The following MCM10 variants were observed in gnomAD, a reference collection of about 807,000 sequenced individuals.
The protein encoded by MCM10 is protein MCM10 homolog.
Under a neutral mutation model 109.9 loss-of-function variants are expected in MCM10, and 91 were observed. The ratio of observed to expected loss-of-function variants is 0.83; its 90% CI spans 0.70 to 0.99. MCM10 has a LOEUF of 0.99. Among genes scored for constraint, MCM10 ranks in the 50% least tolerant of loss-of-function variants. The pLI, the probability that MCM10 is intolerant of heterozygous loss-of-function variation, is 0.00. For missense variants in MCM10, 1,077 were observed against 1,061.2 expected (o/e 1.01, Z -0.21); for synonymous variants, 380 against 387.2 (o/e 0.98, Z 0.22).
At position 13,204,330 on chromosome 10, in the gene MCM10, A is replaced by C. The variant is rs1258925030; in HGVS notation, c.2464A>C (p.Ile822Leu). The stretch of plus-strand genomic sequence containing the variant: ...CAAATGTCCCTGTGGAAACAGAAGC[A>C]TCTCCTTGGACAGACTCCCGAACAA... ...FFKCPCGNRS[I>L]SLDRLPNKHC... The change falls in exon 18 of 20, where the codon ATC becomes CTC. Residue 822 changes from isoleucine (I) to leucine (L), a missense_variant. Ile to Leu is a conservative substitution (Grantham distance 5). Coordinates refer to ENST00000378714, the MANE Select transcript of MCM10 (RefSeq NM_018518.5). The C allele has an allele frequency of 1.2e-6, 2 of 1,614,240 alleles. No homozygotes were observed. The highest frequency in any genetic ancestry group is 1.1e-5 in the South Asian group (1 of 91,088).
chr10:13,165,673 G>C (rs111349226), intron 2 of MCM10, among the ~76,000 whole-genome samples: 1 of 152,004 alleles, frequency 6.6e-6, no homozygotes, highest in African/African-American at 2.4e-5. Context: ...TCAGGAGTTC[G>C]AGGCCAGCCC....
intron 3 of MCM10, among the ~76,000 whole-genome samples, chr10:13,171,700 T>C (rs1435962946): frequency 6.6e-6 from 1 of 152,208 alleles, no homozygotes; most frequent in African/African-American, 2.4e-5. Context: ...TGGTTAGCTG[T>C]TTCTTCTAAT....
chr10:13,199,326 A>G (rs1344006180), intron 16 of MCM10, among the ~76,000 whole-genome samples: 1 of 152,228 alleles, frequency 6.6e-6, no homozygotes, highest in African/African-American at 2.4e-5. Context: ...GAAGAATATC[A>G]TTTGATTTAA....
intron 18 of MCM10, among the ~76,000 whole-genome samples, chr10:13,205,532 G>A (rs1834568730): frequency 6.6e-6 from 1 of 152,072 alleles, no homozygotes; most frequent in South Asian, 2.1e-4. Context: ...TGTTCTTTGG[G>A]TAGATACCCA....
chr10:13,176,636 C>T (rs1588468764), intron 6 of MCM10, among the ~76,000 whole-genome samples: 1 of 152,348 alleles, frequency 6.6e-6, no homozygotes, highest in East Asian at 1.9e-4. Context: ...GTAGCTCACA[C>T]CTGCTATCCC....
chr10:13,195,002 A>T (rs1206282001), intron 13 of MCM10, 39 bp from the exon 14 acceptor site: 1 of 1,577,724 alleles, frequency 6.3e-7, no homozygotes, highest in Admixed American at 1.8e-5. Context: ...TTATTTTCGT[A>T]AACCCTGTTT....
At chr10:13,206,589 T>G (rs1834584005) in intron 18 of MCM10, among the ~76,000 whole-genome samples, 1 of 152,150 alleles carries the variant, frequency 6.6e-6, no homozygotes, top group African/African-American at 2.4e-5. Context: ...AATTTTTAAG[T>G]AGTTATTTAT....
intron 13 of MCM10, among the ~76,000 whole-genome samples, chr10:13,194,669 G>A (rs552925332): frequency 6.6e-6 from 1 of 152,328 alleles, no homozygotes; most frequent in African/African-American, 2.4e-5. Context: ...AAAGATGCAG[G>A]GAGGTGCAAT....
chr10:13,208,547 T>C (rs1443917102), intron 18 of MCM10, among the ~76,000 whole-genome samples: 2 of 77,168 alleles, frequency 2.6e-5, no homozygotes, highest in Non-Finnish European at 5.4e-5. Context: ...GTGGGCAACA[T>C]AGCAAAATCC....
chr10:13,175,449 C>T, intron 5 of MCM10, 61 bp from the exon 6 acceptor site: 1 of 1,447,924 alleles, frequency 6.9e-7, no homozygotes, highest in South Asian at 1.2e-5. Context: ...AAACAAATTT[C>T]CAAATTCCGT....
In MCM10 at chr10:13,210,288, C is replaced by T. The variant is rs1367805847; in HGVS notation, c.*978C>T. On this transcript the variant is annotated 3_prime_UTR_variant, in exon 20 of 20. Transcript: ENST00000378714. ...CAGGCTGGTCTCAAACTCCTGAGCA[C>T]TAGCAATCCACCCACCTCTGTTTCC... 1 of 144,056 alleles carries T rather than the reference C, an allele frequency of 6.9e-6. No individual in the cohort carries two copies. Among genetic ancestry groups the T allele is most frequent in the African/African-American group, 2.6e-5 (1 of 38,380 alleles). The allele number at this position is 144,056 out of a possible 1,614,324, so 8.9% of individuals were successfully genotyped here.
At chr10:13,209,201 C>T in intron 19 of MCM10, 26 bp from the exon 20 acceptor site, 1 of 1,605,894 alleles carries the variant, frequency 6.2e-7, no homozygotes, top group Non-Finnish European at 8.5e-7. Flanking sequence ...GAACCATCTC[C>T]TATTAAAATA....
In MCM10 at chr10:13,182,948, A is replaced by G; in HGVS notation, c.946A>G (p.Ile316Val). The G allele has an allele frequency of 1.2e-6, 2 of 1,613,522 alleles. No individual in the cohort carries two copies. The highest frequency in any genetic ancestry group is 1.7e-6 in the Non-Finnish European group (2 of 1,179,674). The change falls in exon 8 of 20, where the codon ATA becomes GTA. Residue 316 changes from isoleucine (I) to valine (V), a missense_variant. By Grantham distance (29) the Ile-to-Val change is conservative (BLOSUM62 3). Coordinates refer to ENST00000378714, the MANE Select transcript of MCM10 (RefSeq NM_018518.5). This position sits in a 1 kb window ranked among gnomAD's most constrained non-coding sequence, Gnocchi z 4.2. Reference sequence around the variant, plus strand: ...TTTGTTCCAGGGAAAAACCTTCAGCATATGGAAACTGAATGATCTTCGTGA... The same window carrying G: ...TTTGTTCCAGGGAAAAACCTTCAGCGTATGGAAACTGAATGATCTTCGTGA... The part of the protein sequence containing the change: ...QSVNSGKTFS[I>V]WKLNDLRDLT...
At position 13,209,542 on chromosome 10, in the gene MCM10, G is replaced by T; in HGVS notation, c.*232G>T. The stretch of plus-strand genomic sequence containing the variant: ...TATCATTGTCTTTTCTAAGCTCAGT[G>T]TGGATGATTGCATTACTTCATTCAC... On this transcript the variant is annotated 3_prime_UTR_variant, in exon 20 of 20. Transcript: ENST00000378714. 1.8e-6 allele frequency: 1 copy of T among 564,994 alleles called. No homozygotes were observed. 35.0% of individuals were successfully genotyped at this position (564,994 alleles called of 1,614,324 possible). A position where few individuals can be genotyped will look rare whatever the true frequency, so the allele number is the denominator to read the frequency against.
At chr10:13,174,654 A>C (rs1275051671) in intron 5 of MCM10, among the ~76,000 whole-genome samples, 1 of 152,224 alleles carries the variant, frequency 6.6e-6, no homozygotes, top group Non-Finnish European at 1.5e-5. Flanking sequence ...TTAAAAGCAC[A>C]GGGTCACATT....
At chr10:13,192,601 G>A in intron 13 of MCM10, 33 bp downstream of exon 13, 1 of 1,589,666 alleles carries the variant, frequency 6.3e-7, no homozygotes, top group South Asian at 1.1e-5. Context: ...TCCCCGCTTG[G>A]GTCATCCATC....
Position 13,175,533 on chromosome 10 carries a change from A to G in MCM10, c.616A>G (p.Met206Val). ...AGATCCCAAAAGCTCATCTTCAAGG[A>G]TGACAAGTGCACCCTCCCAACCCCT... ...PPDPKSSSSR[M>V]TSAPSQPLQT... is the part of the protein sequence containing the mutation. The change falls in exon 6 of 20, where the codon ATG becomes GTG. Residue 206 changes from methionine (M) to valine (V), a missense_variant. By Grantham distance (21) the Met-to-Val change is conservative (BLOSUM62 1). Transcript: ENST00000378714. 2 of 1,614,074 alleles carry G rather than the reference A, an allele frequency of 1.2e-6. No individual in the cohort carries two copies. Among genetic ancestry groups the G allele is most frequent in the Non-Finnish European group, 1.7e-6 (2 of 1,179,938 alleles).
At chr10:13,184,935 G>T (rs1253703773) in intron 8 of MCM10, among the ~76,000 whole-genome samples, 1 of 152,136 alleles carries the variant, frequency 6.6e-6, no homozygotes, top group African/African-American at 2.4e-5. Context: ...ACTATTTCCA[G>T]ATCTGGTAGG....
intron 8 of MCM10, 108 bp downstream of exon 8, chr10:13,183,208 C>A: frequency 1.5e-6 from 2 of 1,296,350 alleles, no homozygotes; most frequent in Non-Finnish European, 2.1e-6. Context: ...GTAATCCTAA[C>A]ACTTTGGGGA....
Sources: gnomAD v4.1 joint callset for allele counts (sites outside exome capture counted in the v4.1 genomes callset) on GRCh38, gnomAD v4.1.1 for gene constraint, Gnocchi (gnomAD v3.1) non-coding constraint, MANE v1.5 for transcripts, NCBI Gene and HGNC (gene_info 2026-07-23, HGNC 2026-07-21) for gene names.